DLG2: variants seen among roughly 807,000 people sequenced by gnomAD.
The protein encoded by DLG2 is discs large MAGUK scaffold protein 2.
In DLG2, 45 loss-of-function variants were observed where a neutral mutation model predicts 132.5. The observed-to-expected ratio is 0.34, with a 90% CI of 0.27 to 0.44. The LOEUF (loss-of-function observed/expected upper bound fraction) is 0.44. Ranked by LOEUF, DLG2 falls within the 20% of genes least tolerant of loss-of-function variation. The pLI, the probability that DLG2 is intolerant of heterozygous loss-of-function variation, is 1.00. For synonymous variants in DLG2, 424 were observed against 419.6 expected, an observed-to-expected ratio of 1.01 and a Z score of -0.13; for missense variants, 1,045 against 1,196.9, an observed-to-expected ratio of 0.87 and a Z score of 1.87.
chr11:84,435,576 T>C (rs991574140), intron 7 of DLG2, among the ~76,000 whole-genome samples: 12 of 152,318 alleles, frequency 7.9e-5, no homozygotes, highest in Middle Eastern at 3.4e-3. Context: ...TTCAGTTCTC[T>C]AATGTAGATT....
intron 11 of DLG2, among the ~76,000 whole-genome samples, chr11:83,987,600 G>T (rs986090378): frequency 6.6e-6 from 1 of 152,102 alleles, no homozygotes; most frequent in African/African-American, 2.4e-5. Flanking sequence ...ATGGGGAAAT[G>T]ATTCCCAATT....
In DLG2 at chr11:85,621,328, T is replaced by C. The variant is rs192425959; in HGVS notation, c.-93+5259A>G. Among the ~76,000 whole-genome samples the C allele has an allele frequency of 2.7e-3, 418 of 152,344 alleles. 1 individual carries two copies. The highest frequency in any genetic ancestry group is 8.9e-3 in the African/African-American group (372 of 41,588). On this transcript the variant is annotated intron_variant, in intron 2 of 27. Transcript: ENST00000376104. ...AGGAGATTAAAGTTGTTTTCATGCC[T>C]GCTAATAGTACATCCATTCTGCAGG...
intron 11 of DLG2, among the ~76,000 whole-genome samples, chr11:84,039,608 C>T (rs1484382007): frequency 1.9e-5 from 1 of 51,294 alleles, no homozygotes; most frequent in African/African-American, 5.2e-5. Flanking sequence ...TTTTCTTAAT[C>T]CAGTCTATCA....
intron 6 of DLG2, among the ~76,000 whole-genome samples, chr11:84,548,553 T>C (rs1307105996): frequency 6.6e-6 from 1 of 151,960 alleles, no homozygotes; most frequent in Non-Finnish European, 1.5e-5. Context: ...GTCCTTGCGA[T>C]AGTTTGCTGA....
intron 6 of DLG2, chr11:84,763,498 CT>C (rs2067947000): frequency 1.3e-5 from 2 of 152,224 alleles, no homozygotes; most frequent in Admixed American, 6.5e-5. Context: ...ATCACATTCT[CT>C]GCCCAACCCC....
chr11:84,461,331 A>G (rs1029326591), intron 7 of DLG2, among the ~76,000 whole-genome samples: 4 of 151,036 alleles, frequency 2.6e-5, no homozygotes, highest in Admixed American at 6.6e-5. Flanking sequence ...ACATGGAACA[A>G]TTAACACAGA....
chr11:84,739,071 G>A (rs1246771981), intron 6 of DLG2, among the ~76,000 whole-genome samples: 2 of 152,110 alleles, frequency 1.3e-5, no homozygotes, highest in African/African-American at 4.8e-5. Flanking sequence ...AGAGGCATGA[G>A]GAATCTTGGG....
intron 9 of DLG2, among the ~76,000 whole-genome samples, chr11:84,128,933 T>C (rs1407276432): frequency 1.3e-5 from 2 of 152,150 alleles, no homozygotes. Flanking sequence ...GCTAGAAACT[T>C]CTAAGTTGTC....
At chr11:83,528,147 G>C (rs965679212) in intron 21 of DLG2, among the ~76,000 whole-genome samples, 1 of 152,238 alleles carries the variant, frequency 6.6e-6, no homozygotes, top group Non-Finnish European at 1.5e-5. Context: ...GATCTGCATA[G>C]GTTGGACTTA....
At chr11:85,195,912 T>A (rs2081032458) in intron 4 of DLG2, among the ~76,000 whole-genome samples, 1 of 152,192 alleles carries the variant, frequency 6.6e-6, no homozygotes, top group Non-Finnish European at 1.5e-5. Flanking sequence ...AAAGTAAAAT[T>A]TCATATACTT....
At chr11:84,216,709 T>C (rs1297819610) in intron 8 of DLG2, among the ~76,000 whole-genome samples, 1 of 152,162 alleles carries the variant, frequency 6.6e-6, no homozygotes, top group African/African-American at 2.4e-5. Flanking sequence ...AACTTAATAC[T>C]AGCAATTGGT....
At chr11:83,766,608 A>G (rs979469926) in intron 18 of DLG2, among the ~76,000 whole-genome samples, 3 of 152,124 alleles carry the variant, frequency 2.0e-5, no homozygotes, top group African/African-American at 7.2e-5. Flanking sequence ...TATCTTTTCT[A>G]ACAAACTGCC....
At chr11:84,833,428 C>T (rs945942536) in intron 6 of DLG2, among the ~76,000 whole-genome samples, 5 of 151,580 alleles carry the variant, frequency 3.3e-5, no homozygotes, top group African/African-American at 1.2e-4. Context: ...CTCACCCCTA[C>T]AATACATTTA....
chr11:85,412,219 G>A (rs1453020294), intron 3 of DLG2, among the ~76,000 whole-genome samples: 1 of 151,828 alleles, frequency 6.6e-6, no homozygotes, highest in Non-Finnish European at 1.5e-5. Flanking sequence ...CTGGCAGGAG[G>A]CATCCATTCT....
intron 19 of DLG2, among the ~76,000 whole-genome samples, chr11:83,604,825 A>G (rs887563745): frequency 2.6e-5 from 4 of 152,202 alleles, no homozygotes; most frequent in African/African-American, 7.2e-5. Context: ...AAGAAAATCT[A>G]TAAGACAAAA....
intron 4 of DLG2, among the ~76,000 whole-genome samples, chr11:85,192,434 A>G (rs2080668979): frequency 6.6e-6 from 1 of 152,198 alleles, no homozygotes; most frequent in Admixed American, 6.5e-5. Flanking sequence ...TCAACTACCT[A>G]GAACAAAGGG....
At chr11:83,524,735 T>C (rs2095563347) in intron 21 of DLG2, among the ~76,000 whole-genome samples, 1 of 152,182 alleles carries the variant, frequency 6.6e-6, no homozygotes, top group Admixed American at 6.6e-5. Flanking sequence ...TGCACTTACG[T>C]AATATTAAGC....
In DLG2 at chr11:83,633,323, A is replaced by C; in HGVS notation, c.1828T>G (p.Tyr610Asp). 1 of 1,613,128 alleles carries C rather than the reference A, an allele frequency of 6.2e-7. No homozygotes were observed. Among genetic ancestry groups the C allele is most frequent in the Non-Finnish European group, 8.5e-7 (1 of 1,179,474 alleles). The change falls in exon 19 of 28, where the codon TAC (tyrosine) becomes GAC (aspartate). Residue 610 changes from tyrosine to aspartate, a missense_variant and splice_region_variant. Physicochemically the swap from Tyr to Asp is radical, Grantham distance 160. Around this residue, in one of 4 missense-constraint regions of DLG2, gnomAD observed 398 missense variants for 543.6 expected, o/e 0.73. Transcript: ENST00000376104. ...TIIAQYQPED[Y>D]ARFEAKIHDL... The stretch of plus-strand genomic sequence containing the variant: ...TGGATTTTGGCCTCAAATCGAGCGT[A>C]ATCTGGGAATGAAAACAAAGGTAGC...
chr11:84,211,851 A>C (rs1271875665), intron 8 of DLG2, among the ~76,000 whole-genome samples: 2 of 152,220 alleles, frequency 1.3e-5, no homozygotes, highest in African/African-American at 4.8e-5. Context: ...CTGTGAAGAT[A>C]AGATATATTT....
Sources: gnomAD v4.1 joint callset for allele counts (sites outside exome capture counted in the v4.1 genomes callset) on GRCh38, gnomAD v4.1.1 for gene constraint, gnomAD v4.1.1 regional missense constraint, MANE v1.5 for transcripts, NCBI Gene and HGNC (gene_info 2026-07-23, HGNC 2026-07-21) for gene names.